The following OPRD1 variants were observed in gnomAD, a reference collection of about 807,000 sequenced individuals.
OPRD1 encodes the protein delta-type opioid receptor.
A neutral mutation model predicts 17.5 loss-of-function variants in OPRD1; 19 were observed. The ratio of observed to expected loss-of-function variants is 1.09; its 90% CI spans 0.76 to 1.60. The LOEUF (loss-of-function observed/expected upper bound fraction) is 1.60. OPRD1 is among the 40% of genes most tolerant of loss of function. OPRD1 has a pLI of 0.00. For synonymous variants in OPRD1, 256 were observed against 240.9 expected, an observed-to-expected ratio of 1.06 and a Z score of -0.58; for missense variants, 483 against 547.2, an observed-to-expected ratio of 0.88 and a Z score of 1.17.
At chr1:28,856,571 T>C (rs142029294) in intron 1 of OPRD1, among the ~76,000 whole-genome samples, 4 of 152,274 alleles carry the variant, frequency 2.6e-5, no homozygotes, top group African/African-American at 9.6e-5. Flanking sequence ...GAGAGCAGCG[T>C]CATATAGCCC....
chr1:28,847,342 G>A (rs568965915), intron 1 of OPRD1, among the ~76,000 whole-genome samples: 3 of 152,140 alleles, frequency 2.0e-5, no homozygotes, highest in African/African-American at 4.8e-5. Context: ...GTGAGCTACC[G>A]CGCCCAGCCG....
chr1:28,828,368 A>C (rs997873348), intron 1 of OPRD1, among the ~76,000 whole-genome samples: 2 of 152,150 alleles, frequency 1.3e-5, no homozygotes, highest in Non-Finnish European at 2.9e-5. Context: ...ATACTCCATC[A>C]ACCATGCTGT....
chr1:28,853,012 G>C (rs896487990), intron 1 of OPRD1, among the ~76,000 whole-genome samples: 1 of 152,030 alleles, frequency 6.6e-6, no homozygotes, highest in Non-Finnish European at 1.5e-5. Context: ...GAGCCACCGC[G>C]CCCAGCCAAG....
rs538723357 is a variant in OPRD1 at position 28,846,871 on chromosome 1, T to A, written c.228-12083T>A. On this transcript the variant is annotated intron_variant, in intron 1 of 2. Coordinates refer to ENST00000234961, the MANE Select transcript of OPRD1 (RefSeq NM_000911.4). ...TTTTCTTTCTTTCTTTCTTTCTTTC[T>A]TTCTTTCTTTCTTTCTTTCTTTTCT... is the stretch of plus-strand genomic sequence containing the variant. Among the ~76,000 whole-genome samples, 54 of 72,348 alleles carry A rather than the reference T, an allele frequency of 7.5e-4. No individual in the cohort carries two copies. In the South Asian group the frequency reaches 0.038, roughly 51 times the overall value. 47.5% of individuals were successfully genotyped at this position (72,348 alleles called of 152,430 possible).
chr1:28,851,878 AAAG>A (rs1377562924), intron 1 of OPRD1, among the ~76,000 whole-genome samples: 2 of 141,834 alleles, frequency 1.4e-5, no homozygotes, highest in African/African-American at 2.6e-5. Flanking sequence ...AAAAAAAAAA[AAAG>A]AAGAAGCCGG....
At chr1:28,844,164 G>GT (rs60241573) in intron 1 of OPRD1, among the ~76,000 whole-genome samples, 8,562 of 137,854 alleles carry the variant, frequency 0.062, 648 homozygotes, top group African/African-American at 0.19. Context: ...CTTGATTTCT[G>GT]TTTTTTTTTT....
At chr1:28,846,892 TTTCTC>T (rs1476394563) in intron 1 of OPRD1, among the ~76,000 whole-genome samples, 1 of 52,038 alleles carries the variant, frequency 1.9e-5, no homozygotes, top group African/African-American at 4.0e-5. Flanking sequence ...CTTTCTTTCT[TTTCTC>T]TTTCTTTCTT....
At chr1:28,828,991 A>C (rs1233187263) in intron 1 of OPRD1, among the ~76,000 whole-genome samples, 1 of 4,160 alleles carries the variant, frequency 2.4e-4, no homozygotes, top group African/African-American at 4.8e-4. Context: ...CTCTGTCTCA[A>C]AAAAAAAAAA....
At chr1:28,837,385 C>A (rs1377183928) in intron 1 of OPRD1, among the ~76,000 whole-genome samples, 2 of 152,102 alleles carry the variant, frequency 1.3e-5, no homozygotes, top group African/African-American at 4.8e-5. Flanking sequence ...TGCAGTGGCT[C>A]ACACCAGGAA....
chr1:28,866,986 CTCT>C lies in OPRD1; in HGVS notation c.*3712_*3714del, dbSNP rs2089180716. ...TTCAAAATGTCCTACTGTTTCAGAT[CTCT>C]TCTTCTTCATCATCTTTTTTTTTTT... On this transcript the variant is annotated 3_prime_UTR_variant, in exon 3 of 3. Transcript: ENST00000234961. 3 of 147,744 alleles carry C rather than the reference CTCT, an allele frequency of 2.0e-5. No individual in the cohort carries two copies. The highest frequency in any genetic ancestry group is 4.4e-5 in the Non-Finnish European group (3 of 67,468). 9.2% of individuals were successfully genotyped at this position (147,744 alleles called of 1,614,324 possible). A position where few individuals can be genotyped will look rare whatever the true frequency, so the allele number is the denominator to read the frequency against.
At chr1:28,832,900 A>C (rs928542351) in intron 1 of OPRD1, among the ~76,000 whole-genome samples, 4 of 152,232 alleles carry the variant, frequency 2.6e-5, no homozygotes, top group Non-Finnish European at 5.9e-5. Flanking sequence ...GGGTGGGTAC[A>C]GGTTAGGGAA....
chr1:28,869,494 G>C lies in OPRD1; in HGVS notation c.*6211G>C, dbSNP rs146334558. On this transcript the variant is annotated 3_prime_UTR_variant, in exon 3 of 3. Transcript: ENST00000234961. ...GAGGCCACTGAGACATTATCAATGG[G>C]TAATGTACAGCACTTCCATGGCATA... 2.0e-5 allele frequency: 3 copies of C among 152,176 alleles called. No individual in the cohort carries two copies. Among genetic ancestry groups the C allele is most frequent in the African/African-American group, 7.2e-5 (3 of 41,406 alleles). The allele number at this position is 152,176 out of a possible 1,614,324, so 9.4% of individuals were successfully genotyped here.
intron 1 of OPRD1, among the ~76,000 whole-genome samples, chr1:28,850,521 C>T (rs1405606533): frequency 6.6e-6 from 1 of 151,940 alleles, no homozygotes; most frequent in Non-Finnish European, 1.5e-5. Flanking sequence ...TGAGGTTTCT[C>T]CATGTTGGTC....
chr1:28,844,004 C>T (rs906912383), intron 1 of OPRD1, among the ~76,000 whole-genome samples: 3 of 152,048 alleles, frequency 2.0e-5, no homozygotes, highest in African/African-American at 4.8e-5. Flanking sequence ...ATTCTTCTAC[C>T]AGAAGAGGAA....
Position 28,865,706 on chromosome 1 carries a change from C to A in OPRD1, c.*2423C>A, listed in dbSNP as rs2089170326. The A allele has an allele frequency of 6.6e-6, 1 of 152,256 alleles. No individual in the cohort carries two copies. Among genetic ancestry groups the A allele is most frequent in the Admixed American group, 6.5e-5 (1 of 15,280 alleles). 9.4% of individuals were successfully genotyped at this position (152,256 alleles called of 1,614,324 possible). ...AAGCCACCTAGATCACTCTCACTAC[C>A]TTGTGACCACAGAGACCCCTGTGTC... On this transcript the variant is annotated 3_prime_UTR_variant, in exon 3 of 3. Transcript: ENST00000234961.
intron 1 of OPRD1, among the ~76,000 whole-genome samples, chr1:28,844,377 ACCTCCAGGACTCAAGCGATTCTC>A (rs2088922163): frequency 6.6e-6 from 1 of 151,804 alleles, no homozygotes; most frequent in Non-Finnish European, 1.5e-5. Context: ...TGCAGCCTCG[ACCTCCAGGACTCAAGCGATTCTC>A]CCACCTCGGC....
rs960113173 is a variant in OPRD1 at position 28,862,747 on chromosome 1, G to T, written c.583G>T (p.Ala195Ser). ...TCCTTGTTTCCGCGGCCCAGACGGG[G>T]CAGTGGTGTGCATGCTCCAGTTCCC... ...VMAVTRPRDG[A>S]VVCMLQFPSP... Residue 195 changes from alanine to serine, a missense_variant, in exon 3 of 3, where the codon GCA becomes TCA. Physicochemically the swap from Ala to Ser is moderately conservative, Grantham distance 99. Transcript: ENST00000234961. 2 of 1,604,216 alleles carry T rather than the reference G, an allele frequency of 1.2e-6. No individual in the cohort carries two copies. The highest frequency in any genetic ancestry group is 2.2e-5 in the East Asian group (1 of 44,804).
At chr1:28,845,051 T>C (rs1193791399) in intron 1 of OPRD1, among the ~76,000 whole-genome samples, 1 of 152,038 alleles carries the variant, frequency 6.6e-6, no homozygotes, top group Non-Finnish European at 1.5e-5. Flanking sequence ...AAGTTTTAAA[T>C]GTGATATAGT....
intron 1 of OPRD1, among the ~76,000 whole-genome samples, chr1:28,824,179 CAAA>C (rs759567245): frequency 1.2e-5 from 1 of 82,308 alleles, no homozygotes; most frequent in Non-Finnish European, 2.8e-5. Flanking sequence ...AACCTATCTC[CAAA>C]AAAAAAAAAA....
Sources: allele counts gnomAD v4.1 joint callset (sites outside exome capture counted in the v4.1 genomes callset), GRCh38; gene constraint gnomAD v4.1.1; transcripts MANE v1.5; gene names NCBI Gene and HGNC (gene_info 2026-07-23, HGNC 2026-07-21).